ABI1: variants seen among roughly 807,000 people sequenced by gnomAD.
ABI1 encodes the protein abl interactor 1.
A neutral mutation model predicts 54.6 loss-of-function variants in ABI1; 14 were observed. The ratio of observed to expected loss-of-function variants is 0.26; its 90% CI spans 0.17 to 0.40. The LOEUF (loss-of-function observed/expected upper bound fraction) is 0.40, where lower values mean the gene tolerates loss of function less well. ABI1 is among the 10% of genes least tolerant of loss of function. The pLI, the probability that ABI1 is intolerant of heterozygous loss-of-function variation, is 1.00. For synonymous variants in ABI1, 194 were observed against 209.3 expected, an observed-to-expected ratio of 0.93 and a Z score of 0.63; for missense variants, 443 against 598.3, an observed-to-expected ratio of 0.74 and a Z score of 2.71.
At chr10:26,789,534 G>T (rs1429749582) in intron 2 of ABI1, among the ~76,000 whole-genome samples, 3 of 152,076 alleles carry the variant, frequency 2.0e-5, no homozygotes, top group African/African-American at 7.2e-5. Flanking sequence ...TTTCAGTTTT[G>T]AAATTACGCA....
chr10:26,790,575 C>G (rs1414523854), intron 2 of ABI1: 2 of 151,828 alleles, frequency 1.3e-5, no homozygotes, highest in Admixed American at 1.3e-4. Context: ...TGCATGTCAT[C>G]CTTGCACAGG....
intron 2 of ABI1, among the ~76,000 whole-genome samples, chr10:26,809,556 T>C (rs981097521): frequency 6.6e-6 from 1 of 151,754 alleles, no homozygotes; most frequent in Non-Finnish European, 1.5e-5. Flanking sequence ...AGACCCTATG[T>C]CCAAATAAAT....
chr10:26,781,818 C>T (rs1842151365), intron 2 of ABI1, among the ~76,000 whole-genome samples: 1 of 152,142 alleles, frequency 6.6e-6, no homozygotes, highest in Admixed American at 6.5e-5. Context: ...TCTGATGAGA[C>T]CAATTATAAT....
In ABI1 at chr10:26,751,585, G is replaced by T; in HGVS notation, c.1270+13C>A. 2 of 1,606,398 alleles carry T rather than the reference G, an allele frequency of 1.2e-6. No homozygotes were observed. The highest frequency in any genetic ancestry group is 1.1e-5 in the South Asian group (1 of 89,206). On this transcript the variant is annotated intron_variant, in intron 10 of 10. Coordinates refer to ENST00000376140, the MANE Select transcript of ABI1 (RefSeq NM_001012750.3). ...TTATTTTCCTTCACATCAACTCAAT[G>T]ACTGTACCTTACCTTTCTCAATATA...
intron 1 of ABI1, among the ~76,000 whole-genome samples, chr10:26,852,145 A>G (rs996281751): frequency 6.6e-6 from 1 of 152,284 alleles, no homozygotes; most frequent in Non-Finnish European, 1.5e-5. Flanking sequence ...TTAAAAATAA[A>G]ATGGCACCCA....
chr10:26,754,025 C>T (rs1301917296), intron 9 of ABI1, among the ~76,000 whole-genome samples: 1 of 152,220 alleles, frequency 6.6e-6, no homozygotes, highest in Admixed American at 6.5e-5. Context: ...ATAATTCTTA[C>T]TGATATGGCA....
intron 6 of ABI1, 93 bp downstream of exon 6, chr10:26,768,759 C>T: frequency 1.0e-6 from 1 of 984,496 alleles, no homozygotes; most frequent in African/African-American, 1.7e-5. Flanking sequence ...ATTAGAGTGG[C>T]ACCTCACCTT....
At chr10:26,858,650 T>C (rs2051052183) in intron 1 of ABI1, among the ~76,000 whole-genome samples, 1 of 151,232 alleles carries the variant, frequency 6.6e-6, no homozygotes, top group African/African-American at 2.4e-5. Context: ...ATGACTTAAT[T>C]AGAGATATTA....
intron 7 of ABI1, among the ~76,000 whole-genome samples, chr10:26,760,914 A>T (rs1420980512): frequency 6.9e-6 from 1 of 145,442 alleles, no homozygotes; most frequent in Non-Finnish European, 1.5e-5. Flanking sequence ...AAAAAAAAAA[A>T]AAGAGTAAGC....
Position 26,839,907 on chromosome 10 carries a change from T to C in ABI1, c.118-16602A>G, listed in dbSNP as rs149800407. ...TGGAAGGCTAAGGCAAGGGAACTGC[T>C]GGAACCCAGGACTTTGGGACCACAG... is the stretch of plus-strand genomic sequence containing the variant. On this transcript the variant is annotated intron_variant, in intron 1 of 10. Transcript: ENST00000376140. The C allele has an allele frequency of 1.5e-4, 92 of 609,726 alleles. No homozygotes were observed. The East Asian group carries it at 2.6e-3, about 17-fold the overall frequency. 37.8% of individuals were successfully genotyped at this position (609,726 alleles called of 1,614,324 possible). A position where few individuals can be genotyped will look rare whatever the true frequency, so the allele number is the denominator to read the frequency against.
At chr10:26,853,148 T>C (rs905895332) in intron 1 of ABI1, among the ~76,000 whole-genome samples, 1 of 145,274 alleles carries the variant, frequency 6.9e-6, no homozygotes, top group Non-Finnish European at 1.5e-5. Flanking sequence ...ACAAAATCGA[T>C]GGCGTGAACC....
chr10:26,762,379 G>T (rs932740293), intron 7 of ABI1, among the ~76,000 whole-genome samples: 42 of 152,120 alleles, frequency 2.8e-4, no homozygotes, highest in African/African-American at 8.9e-4. Context: ...TTTCCCGATT[G>T]AAGCAGGTCT....
At chr10:26,847,635 A>T (rs980225680) in intron 1 of ABI1, among the ~76,000 whole-genome samples, 1 of 152,052 alleles carries the variant, frequency 6.6e-6, no homozygotes, top group East Asian at 1.9e-4. Context: ...AAAAAAAACA[A>T]GCAAAATTTG....
intron 3 of ABI1, among the ~76,000 whole-genome samples, chr10:26,775,846 G>A (rs1001032360): frequency 5.9e-5 from 9 of 152,162 alleles, no homozygotes; most frequent in Admixed American, 2.6e-4. Flanking sequence ...AAGTGAGTGC[G>A]AGTGTGTGCG....
In ABI1 at chr10:26,746,957, A is replaced by T. The variant is rs553759100; in HGVS notation, c.*1613T>A. On this transcript the variant is annotated 3_prime_UTR_variant, in exon 11 of 11. Coordinates refer to ENST00000376140, the MANE Select transcript of ABI1 (RefSeq NM_001012750.3). ...AAAATTTAGACAACAGGTTATATAC[A>T]AATTAAGAGAACAATCCACTTGAAA... 8.5e-6 allele frequency: 2 copies of T among 234,174 alleles called. No individual in the cohort carries two copies. The highest frequency in any genetic ancestry group is 2.4e-4 in the South Asian group (2 of 8,216). The allele number at this position is 234,174 out of a possible 1,614,324, so 14.5% of individuals were successfully genotyped here.
chr10:26,843,486 A>AAAT (rs2049737892), intron 1 of ABI1, among the ~76,000 whole-genome samples: 1 of 24,808 alleles, frequency 4.0e-5, no homozygotes, highest in African/African-American at 1.8e-4. Context: ...AAAAAAAAAA[A>AAAT]TATATATATA....
chr10:26,755,584 C>T, intron 9 of ABI1, 71 bp downstream of exon 9: 1 of 1,201,734 alleles, frequency 8.3e-7, no homozygotes, highest in Non-Finnish European at 1.2e-6. Flanking sequence ...AAAACGATGA[C>T]TCATCGTCAG....
chr10:26,848,639 C>G (rs1165331834), intron 1 of ABI1, among the ~76,000 whole-genome samples: 1 of 132,942 alleles, frequency 7.5e-6, no homozygotes, highest in South Asian at 2.3e-4. Context: ...GACAGAGTCT[C>G]GCTCTATCAC....
intron 5 of ABI1, among the ~76,000 whole-genome samples, chr10:26,769,419 T>A (rs1161119238): frequency 6.6e-6 from 1 of 152,168 alleles, no homozygotes; most frequent in Non-Finnish European, 1.5e-5. Flanking sequence ...GAGATATACA[T>A]TCTAATCATT....
Sources: gnomAD v4.1 joint callset for allele counts (sites outside exome capture counted in the v4.1 genomes callset) on GRCh38, gnomAD v4.1.1 for gene constraint, MANE v1.5 for transcripts, NCBI Gene and HGNC (gene_info 2026-07-23, HGNC 2026-07-21) for gene names.